The following PCDH9 variants were observed in gnomAD, a reference collection of about 807,000 sequenced individuals.
PCDH9 encodes the protein protocadherin 9, also known as protocadherin-9.
A neutral mutation model predicts 70.6 loss-of-function variants in PCDH9; 24 were observed. The observed-to-expected ratio is 0.34, with a 90% CI of 0.25 to 0.48. The LOEUF (loss-of-function observed/expected upper bound fraction) is 0.48, where lower values mean the gene tolerates loss of function less well. Among genes scored for constraint, PCDH9 ranks in the 20% least tolerant of loss-of-function variants. The pLI, the probability that PCDH9 is intolerant of heterozygous loss-of-function variation, is 0.99. For synonymous variants in PCDH9, 562 were observed against 558.5 expected, an observed-to-expected ratio of 1.01 and a Z score of -0.09; for missense variants, 1,281 against 1,503.6, an observed-to-expected ratio of 0.85 and a Z score of 2.45.
chr13:67,037,957 T>C (rs1331081136), intron 2 of PCDH9, among the ~76,000 whole-genome samples: 1 of 152,140 alleles, frequency 6.6e-6, no homozygotes, highest in Non-Finnish European at 1.5e-5. Context: ...TTCTGAGCAA[T>C]AAAAATATCA....
chr13:66,404,791 C>T (rs532461010), intron 4 of PCDH9, among the ~76,000 whole-genome samples: 1 of 151,976 alleles, frequency 6.6e-6, no homozygotes, highest in Non-Finnish European at 1.5e-5. Context: ...CTTTTTCCCC[C>T]CTTTCTACTT....
intron 4 of PCDH9, among the ~76,000 whole-genome samples, chr13:66,473,858 T>C (rs1958667406): frequency 6.6e-6 from 1 of 152,172 alleles, no homozygotes; most frequent in South Asian, 2.1e-4. Context: ...CTCCTGTGGA[T>C]ATGCAGGTCT....
chr13:66,923,404 C>CA (rs1255666676), intron 2 of PCDH9, among the ~76,000 whole-genome samples: 1 of 151,424 alleles, frequency 6.6e-6, no homozygotes, highest in Non-Finnish European at 1.5e-5. Context: ...ATTTTGTATT[C>CA]AAACATTTTT....
chr13:66,900,620 G>A (rs192985626), intron 3 of PCDH9, among the ~76,000 whole-genome samples: 4 of 151,802 alleles, frequency 2.6e-5, no homozygotes, highest in Admixed American at 6.6e-5. Context: ...TAAATTAAGA[G>A]TGATAGGTTA....
chr13:66,687,802 G>T (rs1304920781), intron 3 of PCDH9, among the ~76,000 whole-genome samples: 1 of 152,010 alleles, frequency 6.6e-6, no homozygotes, highest in Non-Finnish European at 1.5e-5. Context: ...GCCCTCAACT[G>T]CTCCCCTTTT....
intron 2 of PCDH9, chr13:67,222,159 A>G (rs2089740554): frequency 2.0e-5 from 3 of 151,812 alleles, no homozygotes. Flanking sequence ...AAATATACCA[A>G]TGAATTTTAT....
At chr13:66,717,334 C>T (rs900490088) in intron 3 of PCDH9, among the ~76,000 whole-genome samples, 1 of 149,844 alleles carries the variant, frequency 6.7e-6, no homozygotes, top group Non-Finnish European at 1.5e-5. Context: ...TGCCTATAAT[C>T]CCAGCTACTC....
chr13:66,473,017 A>G (rs1265857766), intron 4 of PCDH9, among the ~76,000 whole-genome samples: 1 of 151,686 alleles, frequency 6.6e-6, no homozygotes, highest in African/African-American at 2.4e-5. Flanking sequence ...TATATTATAT[A>G]AATTTTATAT....
At chr13:67,028,182 G>A (rs155015) in intron 2 of PCDH9, among the ~76,000 whole-genome samples, 80,817 of 140,614 alleles carry the variant, frequency 0.57, 23,923 homozygotes, top group East Asian at 0.95. Context: ...ATGTCCAACA[G>A]TGATAGACTG....
intron 3 of PCDH9, among the ~76,000 whole-genome samples, chr13:66,696,783 C>CTTTTT (rs34598874): frequency 7.9e-6 from 1 of 126,124 alleles, no homozygotes; most frequent in African/African-American, 3.1e-5. Flanking sequence ...TTCAGGCAAA[C>CTTTTT]TTTTTTTTTT....
At chr13:66,516,446 A>G (rs1959739140) in intron 4 of PCDH9, among the ~76,000 whole-genome samples, 1 of 152,092 alleles carries the variant, frequency 6.6e-6, no homozygotes, top group Non-Finnish European at 1.5e-5. Flanking sequence ...TCTGCACTCT[A>G]ATATGTATTA....
chr13:66,509,936 A>C (rs1305170246), intron 4 of PCDH9, among the ~76,000 whole-genome samples: 5 of 152,232 alleles, frequency 3.3e-5, no homozygotes, highest in African/African-American at 1.2e-4. Flanking sequence ...AAAGATGGAT[A>C]TATCATAGAC....
intron 2 of PCDH9, among the ~76,000 whole-genome samples, chr13:66,916,806 G>A (rs1333786407): frequency 6.6e-6 from 1 of 151,362 alleles, no homozygotes; most frequent in Non-Finnish European, 1.5e-5. Flanking sequence ...AAAGCATGAA[G>A]AAGAATAGAA....
intron 3 of PCDH9, among the ~76,000 whole-genome samples, chr13:66,650,574 C>A (rs768340541): frequency 6.6e-6 from 1 of 152,026 alleles, no homozygotes; most frequent in Middle Eastern, 3.4e-3. Context: ...ATCAACCAGA[C>A]AGAAAATCAA....
intron 3 of PCDH9, among the ~76,000 whole-genome samples, chr13:66,842,290 T>C (rs1305721497): frequency 6.6e-6 from 1 of 152,206 alleles, no homozygotes; most frequent in African/African-American, 2.4e-5. Flanking sequence ...CTAAGTCTTA[T>C]TTAAACATTA....
At chr13:66,676,745 G>A (rs973046672) in intron 3 of PCDH9, among the ~76,000 whole-genome samples, 8 of 152,020 alleles carry the variant, frequency 5.3e-5, no homozygotes, top group Non-Finnish European at 7.4e-5. Flanking sequence ...ATTCAATTGT[G>A]TATTTAAATG....
chr13:66,453,844 C>A (rs1367312207), intron 4 of PCDH9, among the ~76,000 whole-genome samples: 1 of 152,000 alleles, frequency 6.6e-6, no homozygotes, highest in African/African-American at 2.4e-5. Context: ...AACAGTAAAC[C>A]AAGAATAAAA....
intron 3 of PCDH9, among the ~76,000 whole-genome samples, chr13:66,700,223 G>T (rs2078620210): frequency 6.6e-6 from 1 of 152,032 alleles, no homozygotes; most frequent in South Asian, 2.1e-4. Context: ...AATTAGGCTG[G>T]GTAGAAAGGC....
At chr13:67,042,442 T>C (rs1481501690) in intron 2 of PCDH9, among the ~76,000 whole-genome samples, 3 of 151,810 alleles carry the variant, frequency 2.0e-5, no homozygotes, top group Admixed American at 2.0e-4. Context: ...CATCAGATCA[T>C]GCCAAAGGAG....
Sources: gnomAD v4.1 joint callset for allele counts (sites outside exome capture counted in the v4.1 genomes callset) on GRCh38, gnomAD v4.1.1 for gene constraint, MANE v1.5 for transcripts, NCBI Gene and HGNC (gene_info 2026-07-23, HGNC 2026-07-21) for gene names.